Variants in STAB2 observed in about 807,000 individuals in gnomAD.
The protein encoded by STAB2 is stabilin-2.
Under a neutral mutation model 338.1 loss-of-function variants are expected in STAB2, and 288 were observed. The ratio of observed to expected loss-of-function variants is 0.85; its 90% CI spans 0.77 to 0.94. The LOEUF is 0.94. Among genes scored for constraint, STAB2 ranks in the 40% least tolerant of loss-of-function variants. STAB2 has a pLI of 0.00. For missense variants in STAB2, 3,141 were observed against 3,210.1 expected (o/e 0.98, Z 0.52); for synonymous variants, 1,202 against 1,193.3 (o/e 1.01, Z -0.15).
chr12:103,717,876 C>T (rs1017233600), intron 44 of STAB2, 35 bp downstream of exon 44: 6 of 1,611,860 alleles, frequency 3.7e-6, no homozygotes, highest in Non-Finnish European at 5.1e-6. Context: ...TCCTTCAAGC[C>T]TCAGAGCCCA....
intron 25 of STAB2, among the ~76,000 whole-genome samples, chr12:103,679,854 T>C (rs563488802): frequency 4.6e-5 from 7 of 152,354 alleles, no homozygotes; most frequent in Non-Finnish European, 7.3e-5. Flanking sequence ...TTATTCATAG[T>C]AGTCAAAAGA....
intron 57 of STAB2, among the ~76,000 whole-genome samples, chr12:103,745,577 A>AT (rs545970101): frequency 1.7e-3 from 252 of 152,166 alleles, no homozygotes; most frequent in African/African-American, 5.7e-3. Flanking sequence ...TGTCTTGGTG[A>AT]TTTTGGGGCC....
At chr12:103,625,594 G>A (rs1957369008) in intron 5 of STAB2, among the ~76,000 whole-genome samples, 2 of 152,070 alleles carry the variant, frequency 1.3e-5, no homozygotes, top group Non-Finnish European at 2.9e-5. Flanking sequence ...CTACCTATGA[G>A]TGAGAACATG....
At chr12:103,656,898 G>A (rs967516175) in intron 15 of STAB2, among the ~76,000 whole-genome samples, 2 of 150,986 alleles carry the variant, frequency 1.3e-5, no homozygotes, top group African/African-American at 4.9e-5. Context: ...TTGTTAGCCA[G>A]GATGGTCTCG....
At chr12:103,653,727 GATGGATGGATGGATGGATGA>G (rs1873943832) in intron 12 of STAB2, among the ~76,000 whole-genome samples, 4 of 150,986 alleles carry the variant, frequency 2.6e-5, no homozygotes, top group African/African-American at 9.8e-5. Flanking sequence ...TGGATGGATG[GATGGATGGATGGATGGATGA>G]ATGGATGGAT....
Position 103,660,364 on chromosome 12 carries a change from C to A in STAB2, c.1768C>A (p.His590Asn). The A allele has an allele frequency of 6.2e-7, 1 of 1,614,120 alleles. No individual in the cohort carries two copies. Among genetic ancestry groups the A allele is most frequent in the Non-Finnish European group, 8.5e-7 (1 of 1,180,034 alleles). ...GAAGCTTCTGGAACTCGTCAGATAC[C>A]ACATTGTCCCATTTACCCAGGTTGG... ...SRKLLELVRY[H>N]IVPFTQLEVA... The change falls in exon 16 of 69, where the codon CAC (histidine) becomes AAC (asparagine). Residue 590 changes from histidine (H) to asparagine (N), a missense_variant. By Grantham distance (68) the His-to-Asn change is moderately conservative. Transcript: ENST00000388887.
At chr12:103,600,134 A>G (rs1195915637) in intron 3 of STAB2, among the ~76,000 whole-genome samples, 1 of 152,254 alleles carries the variant, frequency 6.6e-6, no homozygotes, top group Non-Finnish European at 1.5e-5. Flanking sequence ...GCAATAGTAC[A>G]TGCTCAATAA....
chr12:103,635,921 C>T (rs752524536), intron 6 of STAB2, among the ~76,000 whole-genome samples: 23 of 152,188 alleles, frequency 1.5e-4, no homozygotes, highest in Non-Finnish European at 2.6e-4. Context: ...CAGTGACTAA[C>T]GCCATGCTTT....
At chr12:103,766,069 C>T in intron 68 of STAB2, 1 of 683,226 alleles carries the variant, frequency 1.5e-6, no homozygotes, top group Non-Finnish European at 2.7e-6. Context: ...TTGTCTTGGG[C>T]CACCCAGCTT....
intron 9 of STAB2, among the ~76,000 whole-genome samples, chr12:103,643,846 C>G (rs923931057): frequency 3.3e-5 from 5 of 149,962 alleles, no homozygotes; most frequent in Non-Finnish European, 7.4e-5. Flanking sequence ...GTCAGCCCCC[C>G]ACCCGGCCAG....
chr12:103,608,408 C>T (rs1957067655), intron 3 of STAB2, among the ~76,000 whole-genome samples: 1 of 152,154 alleles, frequency 6.6e-6, no homozygotes, highest in East Asian at 1.9e-4. Context: ...TCCCAAAGTG[C>T]TGGGATTACA....
chr12:103,629,446 T>A (rs970273658), intron 5 of STAB2, among the ~76,000 whole-genome samples: 2 of 152,208 alleles, frequency 1.3e-5, no homozygotes, highest in African/African-American at 4.8e-5. Context: ...CCTGGTGGTC[T>A]TCAGCTGTCA....
Position 103,674,107 on chromosome 12 carries a change from G to T in STAB2, c.2552+20G>T. ...AGCCAGGTAGGTCTGTGAGGGAATG[G>T]CCCTTAATGACGCTGAGTCATTAAG... is the stretch of plus-strand genomic sequence containing the variant. On this transcript the variant is annotated intron_variant, in intron 23 of 68. Coordinates refer to ENST00000388887, the MANE Select transcript of STAB2 (RefSeq NM_017564.10). The T allele has an allele frequency of 6.3e-7, 1 of 1,599,534 alleles. No individual in the cohort carries two copies. The highest frequency in any genetic ancestry group is 8.6e-7 in the Non-Finnish European group (1 of 1,169,164).
At chr12:103,645,120 A>T (rs1873234096) in intron 9 of STAB2, among the ~76,000 whole-genome samples, 1 of 152,236 alleles carries the variant, frequency 6.6e-6, no homozygotes, top group Non-Finnish European at 1.5e-5. Context: ...AACCAGCATT[A>T]AGTGTAATTA....
chr12:103,655,485 G>T lies in STAB2; in HGVS notation c.1638G>T (p.Glu546Asp). ...EETNLGHALDEDGVGGPYTIF... is the reference protein window; with the variant it reads ...EETNLGHALDDDGVGGPYTIF... The stretch of plus-strand genomic sequence containing the variant: ...CCAATTTGGGACATGCCTTAGATGA[G>T]GATGGAGTTGGTGGACCATACACCA... Residue 546 changes from glutamate to aspartate, a missense_variant, in exon 15 of 69, where the codon GAG becomes GAT. Physicochemically the swap from Glu to Asp is conservative, Grantham distance 45. Transcript: ENST00000388887. 1.2e-6 allele frequency: 2 copies of T among 1,614,006 alleles called. No individual in the cohort carries two copies. The highest frequency in any genetic ancestry group is 1.6e-4 in the Middle Eastern group (1 of 6,062).
Position 103,711,535 on chromosome 12 carries a change from C to T in STAB2, c.4334+19C>T. ...GCGCCAAGTAGGTAGCCCTGGGCCACCTCTGGGGACAGTGTAAAGGGGATT... is the reference window on the plus strand; with the variant it reads ...GCGCCAAGTAGGTAGCCCTGGGCCATCTCTGGGGACAGTGTAAAGGGGATT... On this transcript the variant is annotated intron_variant, in intron 40 of 68. Coordinates refer to ENST00000388887, the MANE Select transcript of STAB2 (RefSeq NM_017564.10). The T allele has an allele frequency of 6.2e-7, 1 of 1,613,988 alleles. No homozygotes were observed. The highest frequency in any genetic ancestry group is 8.5e-7 in the Non-Finnish European group (1 of 1,179,956).
chr12:103,662,110 G>A (rs193256371), intron 17 of STAB2, among the ~76,000 whole-genome samples: 2 of 152,246 alleles, frequency 1.3e-5, no homozygotes, highest in East Asian at 3.9e-4. Flanking sequence ...GTGAGGAATG[G>A]CTGAATTTTG....
At chr12:103,676,831 T>C (rs970342270) in intron 24 of STAB2, among the ~76,000 whole-genome samples, 1 of 152,224 alleles carries the variant, frequency 6.6e-6, no homozygotes, top group African/African-American at 2.4e-5. Flanking sequence ...AATCAGATCA[T>C]GTTTTTCAGG....
At chr12:103,720,187 C>T (rs1880649227) in intron 44 of STAB2, among the ~76,000 whole-genome samples, 2 of 152,178 alleles carry the variant, frequency 1.3e-5, no homozygotes, top group African/African-American at 4.8e-5. Flanking sequence ...GCTTAATTTT[C>T]ACAGCAATTC....
Sources: gnomAD v4.1 joint callset for allele counts (sites outside exome capture counted in the v4.1 genomes callset) on GRCh38, gnomAD v4.1.1 for gene constraint, MANE v1.5 for transcripts, NCBI Gene and HGNC (gene_info 2026-07-23, HGNC 2026-07-21) for gene names.